SSR1: variants seen among roughly 807,000 people sequenced by gnomAD.
SSR1 encodes the protein translocon-associated protein subunit alpha.
Under a neutral mutation model 36.1 loss-of-function variants are expected in SSR1, and 13 were observed. That is an observed-to-expected ratio of 0.36 (90% CI 0.23 to 0.57). SSR1 has a LOEUF of 0.57. Ranked by LOEUF, SSR1 falls within the 20% of genes least tolerant of loss-of-function variation. The pLI, the probability that SSR1 is intolerant of heterozygous loss-of-function variation, is 0.81. For missense variants in SSR1, 291 were observed against 338.5 expected (o/e 0.86, Z 1.10); for synonymous variants, 113 against 118.9 (o/e 0.95, Z 0.32).
chr6:7,294,942 T>C (rs1757760982), intron 7 of SSR1: 4 of 611,286 alleles, frequency 6.5e-6, no homozygotes, highest in Non-Finnish European at 1.0e-5. Flanking sequence ...GGTTTATTCT[T>C]TCAAGTTATA....
At chr6:7,296,244 A>G (rs1156454442) in intron 6 of SSR1, among the ~76,000 whole-genome samples, 1 of 152,226 alleles carries the variant, frequency 6.6e-6, no homozygotes, top group Admixed American at 6.5e-5. Flanking sequence ...GTTTATCTAC[A>G]TAAGAAACAG....
At chr6:7,312,830 G>A (rs1036805033) in intron 1 of SSR1, among the ~76,000 whole-genome samples, 5 of 152,232 alleles carry the variant, frequency 3.3e-5, no homozygotes, top group Non-Finnish European at 2.9e-5. Flanking sequence ...ACGGCCCCGC[G>A]CTCCGCGTGC....
rs1757985581 is a variant in SSR1, at chr6:7,303,577, T to C, written c.253A>G (p.Thr85Ala). Reference sequence around the variant, plus strand: ...TCTCCTTTTACAAACAGTATAGTTGTATCTGCACTCGGTGAAGCTTCAGGT... The same window carrying C: ...TCTCCTTTTACAAACAGTATAGTTGCATCTGCACTCGGTGAAGCTTCAGGT... The part of the protein sequence containing the change: ...GEPEASPSAD[T>A]TILFVKGEDF... Residue 85 changes from threonine to alanine, a missense_variant, in exon 3 of 8, where the codon ACA becomes GCA. Physicochemically the swap from Thr to Ala is moderately conservative, Grantham distance 58. Coordinates refer to ENST00000244763, the MANE Select transcript of SSR1 (RefSeq NM_003144.5). 1.2e-6 allele frequency: 2 copies of C among 1,613,198 alleles called. No homozygotes were observed. The highest frequency in any genetic ancestry group is 1.1e-5 in the South Asian group (1 of 91,062).
At chr6:7,305,459 A>G (rs976913163) in intron 2 of SSR1, among the ~76,000 whole-genome samples, 5 of 152,222 alleles carry the variant, frequency 3.3e-5, no homozygotes, top group African/African-American at 1.2e-4. Context: ...AAGTGAGCAG[A>G]AGAGAAAAGC....
chr6:7,284,828 C>A lies in SSR1; in HGVS notation c.*5036G>T, dbSNP rs1048727263. On this transcript the variant is annotated 3_prime_UTR_variant, in exon 8 of 8. Coordinates refer to ENST00000244763, the MANE Select transcript of SSR1 (RefSeq NM_003144.5). Reference sequence around the variant, plus strand: ...GGTCACAGAATCAGACTATTTAGGGCTGATACTTCAAGCATATCTCAATTA... The same window carrying A: ...GGTCACAGAATCAGACTATTTAGGGATGATACTTCAAGCATATCTCAATTA... The A allele has an allele frequency of 6.6e-6, 1 of 151,808 alleles. No homozygotes were observed. Among genetic ancestry groups the A allele is most frequent in the Non-Finnish European group, 1.5e-5 (1 of 67,998 alleles). The allele number at this position is 151,808 out of a possible 1,614,324, so 9.4% of individuals were successfully genotyped here.
intron 2 of SSR1, 171 bp downstream of exon 2, chr6:7,309,746 G>A: frequency 1.6e-6 from 1 of 618,474 alleles, no homozygotes; most frequent in Non-Finnish European, 2.9e-6. Context: ...TTCAATTTCT[G>A]CCATGATGGT....
At chr6:7,298,639 TAC>T in intron 5 of SSR1, 106 bp downstream of exon 5, 1 of 780,512 alleles carries the variant, frequency 1.3e-6, no homozygotes, top group Non-Finnish European at 2.2e-6. Context: ...ACCAAATCTA[TAC>T]AGTTCATTCC....
intron 2 of SSR1, among the ~76,000 whole-genome samples, chr6:7,306,872 AC>A (rs1475116692): frequency 7.4e-6 from 1 of 135,142 alleles, no homozygotes; most frequent in Non-Finnish European, 1.6e-5. Context: ...GCGGAGATCC[AC>A]GCCACTGCAC....
At position 7,284,063 on chromosome 6, in the gene SSR1, C is replaced by G. The variant is rs1258485236; in HGVS notation, c.*5801G>C. The G allele has an allele frequency of 6.6e-6, 1 of 152,164 alleles. No individual in the cohort carries two copies. Among genetic ancestry groups the G allele is most frequent in the Non-Finnish European group, 1.5e-5 (1 of 68,028 alleles). 9.4% of individuals were successfully genotyped at this position (152,164 alleles called of 1,614,324 possible). The stretch of plus-strand genomic sequence containing the variant: ...TTTCTCATTCTCCTTTCTGAAATGC[C>G]TCTAGGCCTTAAGCGCCTATTTCTA... On this transcript the variant is annotated 3_prime_UTR_variant, in exon 8 of 8. Transcript: ENST00000244763.
chr6:7,303,487 T>C, intron 3 of SSR1, 63 bp downstream of exon 3: 2 of 1,167,650 alleles, frequency 1.7e-6, no homozygotes, highest in Non-Finnish European at 2.5e-6. Context: ...TTCAGATATA[T>C]ATGAACAAGC....
In SSR1 at chr6:7,297,978, G is replaced by C. The variant is rs769720912; in HGVS notation, c.644C>G (p.Ala215Gly). 1 of 1,613,270 alleles carries C rather than the reference G, an allele frequency of 6.2e-7. No individual in the cohort carries two copies. Among genetic ancestry groups the C allele is most frequent in the South Asian group, 1.1e-5 (1 of 91,054 alleles). ...GETIFMYMFLAGLGLLVIVGL... is the reference protein window; with the variant it reads ...GETIFMYMFLGGLGLLVIVGL... ...AACAATAACCAGAAGCCCAAGACCA[G>C]CAAGGAACATATACATAAAGATTCT... is the stretch of plus-strand genomic sequence containing the variant. Residue 215 changes from alanine to glycine, a missense_variant, in exon 6 of 8, where the codon GCT (alanine) becomes GGT (glycine). Coordinates refer to ENST00000244763, the MANE Select transcript of SSR1 (RefSeq NM_003144.5).
chr6:7,305,585 G>A (rs1236442324), intron 2 of SSR1, among the ~76,000 whole-genome samples: 2 of 152,120 alleles, frequency 1.3e-5, no homozygotes, highest in African/African-American at 4.8e-5. Context: ...TCACTGAGGA[G>A]GATTAATGCC....
At chr6:7,292,822 T>C (rs571375450) in intron 7 of SSR1, among the ~76,000 whole-genome samples, 27 of 152,300 alleles carry the variant, frequency 1.8e-4, no homozygotes, top group Non-Finnish European at 2.9e-4. Context: ...TCGGGTCTAG[T>C]GCTGACCTCC....
rs1286912189 is a variant in SSR1, at chr6:7,289,499, T to G, written c.*365A>C. On this transcript the variant is annotated 3_prime_UTR_variant, in exon 8 of 8. Transcript: ENST00000244763. ...ATCAATAATCATAGTGGGTAAATAT[T>G]AACTGAGTTTTGGGGGAAAAAATCA... The G allele has an allele frequency of 4.6e-6, 1 of 217,516 alleles. No homozygotes were observed. Among genetic ancestry groups the G allele is most frequent in the African/African-American group, 2.5e-5 (1 of 40,558 alleles). 13.5% of individuals were successfully genotyped at this position (217,516 alleles called of 1,614,324 possible).
intron 1 of SSR1, among the ~76,000 whole-genome samples, chr6:7,310,771 T>G (rs924880041): frequency 6.6e-6 from 1 of 152,002 alleles, no homozygotes; most frequent in African/African-American, 2.4e-5. Context: ...ATTAGCTGGG[T>G]GTGGTGGCAC....
chr6:7,301,853 C>T (rs554747150), intron 3 of SSR1, among the ~76,000 whole-genome samples: 8 of 151,702 alleles, frequency 5.3e-5, no homozygotes, highest in East Asian at 4.0e-4. Context: ...AAAAGAGTTG[C>T]GTATTTTTGG....
At chr6:7,293,764 T>C (rs1486138946) in intron 7 of SSR1, among the ~76,000 whole-genome samples, 1 of 152,126 alleles carries the variant, frequency 6.6e-6, no homozygotes, top group Non-Finnish European at 1.5e-5. Context: ...AACCCACCAA[T>C]ATACCGAGGG....
chr6:7,312,924 G>C, intron 1 of SSR1, 118 bp downstream of exon 1: 2 of 1,038,516 alleles, frequency 1.9e-6, no homozygotes. Context: ...GGCGGAGAGA[G>C]GCCAGCGGGG....
intron 2 of SSR1, among the ~76,000 whole-genome samples, chr6:7,306,772 C>T (rs528934451): frequency 7.9e-5 from 12 of 151,776 alleles, no homozygotes; most frequent in African/African-American, 1.4e-4. Context: ...AAAAATTAGC[C>T]GGGTGTGGTG....
Sources: allele counts gnomAD v4.1 joint callset (sites outside exome capture counted in the v4.1 genomes callset), GRCh38; gene constraint gnomAD v4.1.1; transcripts MANE v1.5; gene names NCBI Gene and HGNC (gene_info 2026-07-23, HGNC 2026-07-21).